The following NRXN1 variants were observed in gnomAD, a reference collection of about 807,000 sequenced individuals.
NRXN1 encodes the protein neurexin 1, also known as neurexin-1.
NRXN1 carries 39 observed loss-of-function variants against 150.9 expected under a neutral mutation model. The observed-to-expected ratio is 0.26, with a 90% confidence interval of 0.20 to 0.34. The LOEUF is 0.34. Among genes scored for constraint, NRXN1 ranks in the 10% least tolerant of loss-of-function variants. NRXN1 has a pLI of 1.00. For synonymous variants in NRXN1, 924 were observed against 757.0 expected (o/e 1.22, Z -3.62); for missense variants, 1,815 against 1,949.9 (o/e 0.93, Z 1.30).
chr2:49,953,089 T>C (rs972681423), intron 21 of NRXN1, among the ~76,000 whole-genome samples: 2 of 152,176 alleles, frequency 1.3e-5, no homozygotes, highest in Non-Finnish European at 2.9e-5. Flanking sequence ...TGGGTAGTAC[T>C]ATGACCAATG....
intron 5 of NRXN1, among the ~76,000 whole-genome samples, chr2:50,752,238 T>G (rs1559211113): frequency 6.6e-6 from 1 of 152,008 alleles, no homozygotes; most frequent in Non-Finnish European, 1.5e-5. Flanking sequence ...CTATCATTTA[T>G]ATTTGTACAA....
chr2:50,591,419 GATA>G (rs1674214215), intron 8 of NRXN1, among the ~76,000 whole-genome samples: 2 of 151,816 alleles, frequency 1.3e-5, no homozygotes, highest in Admixed American at 6.6e-5. Flanking sequence ...TAGATAGATA[GATA>G]GATAGATAGA....
rs577122045 is a variant in NRXN1 at position 50,357,159 on chromosome 2, T to C, written c.3364+108283A>G. ...GTAGAGGCATGGTGGTATATATCTG[T>C]GGTGCTAGCTAACATAGGAGGATCA... On this transcript the variant is annotated intron_variant, in intron 17 of 22. Transcript: ENST00000401669. Among the ~76,000 whole-genome samples, 384 of 152,164 alleles carry C rather than the reference T, an allele frequency of 2.5e-3. 2 individuals carry two copies. The highest frequency in any genetic ancestry group is 4.1e-3 in the Non-Finnish European group (277 of 67,990).
chr2:50,949,306 T>C (rs1690907679), intron 2 of NRXN1, among the ~76,000 whole-genome samples: 1 of 152,028 alleles, frequency 6.6e-6, no homozygotes, highest in Non-Finnish European at 1.5e-5. Flanking sequence ...GATGAAAGTG[T>C]TGCTGGTTTT....
chr2:50,389,146 A>C (rs2081519671), intron 17 of NRXN1, among the ~76,000 whole-genome samples: 8 of 151,914 alleles, frequency 5.3e-5, no homozygotes, highest in Admixed American at 5.3e-4. Flanking sequence ...TGCTAGACAC[A>C]GAGCGAGGCC....
At chr2:49,922,968 A>AT (rs1378157936) in intron 22 of NRXN1, among the ~76,000 whole-genome samples, 1 of 152,170 alleles carries the variant, frequency 6.6e-6, no homozygotes, top group African/African-American at 2.4e-5. Context: ...GTCTAGATTG[A>AT]TTTTTTGGTC....
chr2:50,859,838 T>TTGTGTGTGTGTGTGTGTG (rs58904379), intron 5 of NRXN1, among the ~76,000 whole-genome samples: 9 of 147,570 alleles, frequency 6.1e-5, no homozygotes, highest in African/African-American at 2.2e-4. Context: ...ACAATTATGT[T>TTGTGTGTGTGTGTGTGTG]TGTGTGTGTG....
intron 12 of NRXN1, 160 bp from the exon 13 acceptor site, chr2:50,506,777 G>C (rs1381314541): frequency 3.9e-5 from 29 of 735,498 alleles, no homozygotes; most frequent in Non-Finnish European, 5.7e-5. Flanking sequence ...AAAGGAAACA[G>C]AGAAGAGGCG....
At chr2:50,427,451 A>T (rs1311911059) in intron 17 of NRXN1, among the ~76,000 whole-genome samples, 1 of 151,722 alleles carries the variant, frequency 6.6e-6, no homozygotes. Flanking sequence ...AGAAATGCTT[A>T]CATTTTTGGT....
intron 17 of NRXN1, among the ~76,000 whole-genome samples, chr2:50,273,225 C>A (rs2069948501): frequency 6.6e-6 from 1 of 152,068 alleles, no homozygotes; most frequent in African/African-American, 2.4e-5. Context: ...GGCAATCTAC[C>A]AAAATGAAAA....
chr2:50,561,734 G>T (rs916676069), intron 8 of NRXN1, among the ~76,000 whole-genome samples: 1 of 152,142 alleles, frequency 6.6e-6, no homozygotes, highest in African/African-American at 2.4e-5. Context: ...ATAATAAGTT[G>T]ATTTTCACAG....
intron 18 of NRXN1, among the ~76,000 whole-genome samples, chr2:50,170,359 G>A (rs776777764): frequency 1.4e-4 from 22 of 151,954 alleles, no homozygotes; most frequent in Non-Finnish European, 2.8e-4. Context: ...GCAGTGGCAC[G>A]ATCTCAGCTC....
chr2:49,983,282 C>A (rs1019813730), intron 21 of NRXN1, among the ~76,000 whole-genome samples: 1 of 152,130 alleles, frequency 6.6e-6, no homozygotes, highest in Non-Finnish European at 1.5e-5. Context: ...CAGCTTCTAG[C>A]ACAGGGGCTG....
intron 2 of NRXN1, among the ~76,000 whole-genome samples, chr2:50,994,320 C>T (rs1324488527): frequency 6.6e-6 from 1 of 151,926 alleles, no homozygotes; most frequent in Non-Finnish European, 1.5e-5. Flanking sequence ...TATATCTCAC[C>T]TTGCATTTTT....
chr2:51,001,737 G>C (rs1033595493), intron 2 of NRXN1, among the ~76,000 whole-genome samples: 3 of 151,894 alleles, frequency 2.0e-5, no homozygotes, highest in African/African-American at 7.2e-5. Flanking sequence ...TAAAATTTTA[G>C]TTTGATGATG....
intron 10 of NRXN1, among the ~76,000 whole-genome samples, chr2:50,532,371 TATAGCTTAAC>T (rs2093140205): frequency 1.2e-5 from 1 of 82,634 alleles, no homozygotes. Flanking sequence ...AAAAAAGAAA[TATAGCTTAAC>T]TATAGGAACT....
At chr2:50,793,598 G>C (rs914906801) in intron 5 of NRXN1, among the ~76,000 whole-genome samples, 3 of 152,078 alleles carry the variant, frequency 2.0e-5, no homozygotes, top group African/African-American at 4.8e-5. Flanking sequence ...AAAATAAAGT[G>C]TGTTCTTTCA....
At chr2:50,773,007 C>T (rs1381993196) in intron 5 of NRXN1, among the ~76,000 whole-genome samples, 1 of 152,118 alleles carries the variant, frequency 6.6e-6, no homozygotes, top group African/African-American at 2.4e-5. Context: ...TGCTTTCCCA[C>T]TGTGCTTGGT....
intron 2 of NRXN1, among the ~76,000 whole-genome samples, chr2:50,932,055 G>T (rs576274105): frequency 6.6e-6 from 1 of 151,828 alleles, no homozygotes; most frequent in Non-Finnish European, 1.5e-5. Context: ...GTAGACACAG[G>T]ATTTCACCAT....
Sources: gnomAD v4.1 joint callset for allele counts (sites outside exome capture counted in the v4.1 genomes callset) on GRCh38, gnomAD v4.1.1 for gene constraint, MANE v1.5 for transcripts, NCBI Gene and HGNC (gene_info 2026-07-23, HGNC 2026-07-21) for gene names.